Variants in RELN observed in about 807,000 individuals in gnomAD.
RELN encodes reelin.
RELN carries 108 observed loss-of-function variants against 427.6 expected under a neutral mutation model. That is an observed-to-expected ratio of 0.25 (90% CI 0.22 to 0.30). The LOEUF is 0.30. RELN is among the 10% of genes least tolerant of loss of function. RELN has a pLI of 1.00. For synonymous variants in RELN, 1,524 were observed against 1,513.4 expected (o/e 1.01, Z -0.16); for missense variants, 3,715 against 4,302.8 (o/e 0.86, Z 3.82).
chr7:103,681,168 AAG>A (rs1404608443), intron 11 of RELN, among the ~76,000 whole-genome samples: 2 of 152,118 alleles, frequency 1.3e-5, no homozygotes, highest in African/African-American at 4.8e-5. Flanking sequence ...GAGAGAATGG[AAG>A]AGTCTTATTG....
rs1386259193 is a variant in RELN, at chr7:103,603,783, T to C, written c.3147-293A>G. Among the ~76,000 whole-genome samples, 3 of 152,152 alleles carry C rather than the reference T, an allele frequency of 2.0e-5. No individual in the cohort carries two copies. The highest frequency in any genetic ancestry group is 4.4e-5 in the Non-Finnish European group (3 of 68,016). On this transcript the variant is annotated intron_variant, in intron 23 of 64. Coordinates refer to ENST00000428762, the MANE Select transcript of RELN (RefSeq NM_005045.4). This position sits in a 1 kb window ranked among gnomAD's most constrained non-coding sequence, Gnocchi z 4.3. ...GTGTGCTTATGTGAGTGTGTGTTTG[T>C]GGGGGGCTGAGGGATAGTGGGATTT...
intron 20 of RELN, among the ~76,000 whole-genome samples, chr7:103,615,958 CAT>C (rs1207729212): frequency 6.6e-6 from 1 of 152,166 alleles, no homozygotes; most frequent in East Asian, 1.9e-4. Flanking sequence ...GGCAGACACA[CAT>C]AGCCAAAGTA....
In RELN at chr7:103,640,406, A is replaced by C. The variant is rs1217543544; in HGVS notation, c.2069+137T>G. ...TAAAAATACATTTGAATTACACTTA[A>C]GTTCTAATAGAAATATCCAACTTTT... On this transcript the variant is annotated intron_variant, in intron 17 of 64. Coordinates refer to ENST00000428762, the MANE Select transcript of RELN (RefSeq NM_005045.4). This position sits in a 1 kb window ranked among gnomAD's most constrained non-coding sequence, Gnocchi z 4.1. The C allele has an allele frequency of 3.8e-6, 3 of 788,740 alleles. No individual in the cohort carries two copies. Among genetic ancestry groups the C allele is most frequent in the African/African-American group, 3.4e-5 (2 of 58,304 alleles). 48.9% of individuals were successfully genotyped at this position (788,740 alleles called of 1,614,324 possible).
At chr7:103,488,181 G>C (rs1168975728) in intron 60 of RELN, among the ~76,000 whole-genome samples, 2 of 152,100 alleles carry the variant, frequency 1.3e-5, no homozygotes, top group African/African-American at 4.8e-5. Context: ...TAATGAAGCT[G>C]GGATAAATAA....
At chr7:103,789,490 G>A in intron 3 of RELN, among the ~76,000 whole-genome samples, 1 of 151,332 alleles carries the variant, frequency 6.6e-6, no homozygotes. Context: ...AAATTTACAA[G>A]AAAAAAACAA....
chr7:103,642,443 G>T (rs1448421150), intron 16 of RELN, among the ~76,000 whole-genome samples: 1 of 150,740 alleles, frequency 6.6e-6, no homozygotes, highest in Non-Finnish European at 1.5e-5. Context: ...CAAAGAGTGG[G>T]TCCTGTTTCT....
chr7:103,714,646 T>C (rs1034633458), intron 8 of RELN, among the ~76,000 whole-genome samples: 1 of 152,172 alleles, frequency 6.6e-6, no homozygotes, highest in Admixed American at 6.5e-5. Flanking sequence ...AGCTCATGCT[T>C]TGTCGAAGTT....
intron 43 of RELN, 92 bp from the exon 44 acceptor site, chr7:103,540,547 C>A: frequency 1.7e-6 from 2 of 1,152,162 alleles, no homozygotes; most frequent in Non-Finnish European, 2.6e-6. Context: ...TGCAGGGGAA[C>A]GAAAGGCCTC....
intron 10 of RELN, 66 bp downstream of exon 10, chr7:103,697,787 T>C (rs1057415158): frequency 3.5e-5 from 56 of 1,610,268 alleles, no homozygotes; most frequent in South Asian, 1.4e-4. Context: ...ATTTGGTTTA[T>C]TGAGCTTCAC....
chr7:103,547,886 T>C (rs1004005284), intron 41 of RELN, among the ~76,000 whole-genome samples: 1 of 152,238 alleles, frequency 6.6e-6, no homozygotes, highest in Non-Finnish European at 1.5e-5. Context: ...CTATGATAAA[T>C]AGGCTGAAGG....
At chr7:103,854,045 T>C (rs1325570517) in intron 2 of RELN, among the ~76,000 whole-genome samples, 1 of 152,168 alleles carries the variant, frequency 6.6e-6, no homozygotes, top group East Asian at 1.9e-4. Flanking sequence ...ATTAGATCAC[T>C]ACACAGTGTA....
At chr7:103,970,422 G>A (rs1796740473) in intron 1 of RELN, among the ~76,000 whole-genome samples, 1 of 152,150 alleles carries the variant, frequency 6.6e-6, no homozygotes, top group Admixed American at 6.5e-5. Flanking sequence ...TGGGATTACA[G>A]GCATGAGCCA....
At chr7:103,809,704 C>T (rs262379) in intron 3 of RELN, among the ~76,000 whole-genome samples, 144,339 of 152,274 alleles carry the variant, frequency 0.95, 68,621 homozygotes, top group South Asian at 1. Flanking sequence ...GCATTGTAGA[C>T]CATTAACATT....
chr7:103,575,713 G>A lies in RELN; in HGVS notation c.4146-8C>T, dbSNP rs746451476. ...CATCGGAATCTGGTCTTGCTGTTGG[G>A]AAAAACAACACACCTGTTTCTTGTA... On this transcript the variant is annotated splice_region_variant and splice_polypyrimidine_tract_variant and intron_variant, in intron 28 of 64. Transcript: ENST00000428762. The A allele has an allele frequency of 3.1e-6, 5 of 1,613,910 alleles. No homozygotes were observed. The highest frequency in any genetic ancestry group is 3.4e-6 in the Non-Finnish European group (4 of 1,179,986).
chr7:103,917,103 G>C lies in RELN; in HGVS notation c.309C>G (p.Ser103Arg). 2 of 1,613,568 alleles carry C rather than the reference G, an allele frequency of 1.2e-6. No homozygotes were observed. Among genetic ancestry groups the C allele is most frequent in the Non-Finnish European group, 1.7e-6 (2 of 1,179,694 alleles). ...YTSTSVQASQ[S>R]IGGSSAFGFG... is the part of the protein sequence containing the mutation. ...ATCCGAAAGCACTGGAACCTCCAAT[G>C]CTCTGTGATGCCTGAACACTTGTAG... The change falls in exon 2 of 65, where the codon AGC becomes AGG. Residue 103 changes from serine (S) to arginine (R), a missense_variant. Physicochemically the swap from Ser to Arg is moderately radical, Grantham distance 110 (BLOSUM62 -1). This residue lies in a region of RELN where 2,208 missense variants were observed against 2,361.7 expected (regional missense o/e 0.93). Coordinates refer to ENST00000428762, the MANE Select transcript of RELN (RefSeq NM_005045.4).
chr7:103,612,784 A>C (rs1831991271), intron 20 of RELN, among the ~76,000 whole-genome samples: 1 of 152,334 alleles, frequency 6.6e-6, no homozygotes, highest in South Asian at 2.1e-4. Flanking sequence ...GTCCCAATTA[A>C]GTACTACATA....
chr7:103,885,390 T>C (rs1480227013), intron 2 of RELN, among the ~76,000 whole-genome samples: 4 of 151,430 alleles, frequency 2.6e-5, no homozygotes, highest in Non-Finnish European at 4.4e-5. Context: ...ATATACACCA[T>C]GGAATACTAT....
chr7:103,898,148 G>A (rs1458412383), intron 2 of RELN, among the ~76,000 whole-genome samples: 2 of 151,760 alleles, frequency 1.3e-5, no homozygotes, highest in Non-Finnish European at 2.9e-5. Context: ...GTGTGGATAT[G>A]GGTGTGTAGT....
Position 103,540,363 on chromosome 7 carries a change from C to T in RELN, c.6764G>A (p.Gly2255Asp), listed in dbSNP as rs142573628. The change falls in exon 44 of 65, where the codon GGC becomes GAC. Residue 2255 changes from glycine (G) to aspartate (D), a missense_variant. By Grantham distance (94) the Gly-to-Asp change is moderately conservative. Around this residue, in one of 4 missense-constraint regions of RELN, gnomAD observed 1,310 missense variants for 1,643.0 expected, o/e 0.80. Transcript: ENST00000428762. ...PVLLQYSLNG[G>D]LSWSLLQEFL... ...CTCCTGAAGAAGACTCCACGAGAGG[C>T]CACCGTTGAGAGAATACTGTAGGAG... The T allele has an allele frequency of 1.9e-6, 3 of 1,614,120 alleles. No individual in the cohort carries two copies. Among genetic ancestry groups the T allele is most frequent in the East Asian group, 2.2e-5 (1 of 44,878 alleles).
Sources: gnomAD v4.1 joint callset for allele counts (sites outside exome capture counted in the v4.1 genomes callset) on GRCh38, gnomAD v4.1.1 for gene constraint, gnomAD v4.1.1 regional missense constraint, Gnocchi (gnomAD v3.1) non-coding constraint, MANE v1.5 for transcripts, NCBI Gene and HGNC (gene_info 2026-07-23, HGNC 2026-07-21) for gene names.